TBC1D19: variants seen among roughly 807,000 people sequenced by gnomAD.
TBC1D19 encodes the protein TBC1 domain family, member 19.
TBC1D19 carries 60 observed loss-of-function variants against 89.0 expected under a neutral mutation model. That is an observed-to-expected ratio of 0.67 (90% CI 0.55 to 0.84). The LOEUF (loss-of-function observed/expected upper bound fraction) is 0.84. Ranked by LOEUF, TBC1D19 falls within the 40% of genes least tolerant of loss-of-function variation. TBC1D19 has a pLI of 0.00. For missense variants in TBC1D19, 500 were observed against 610.8 expected (o/e 0.82, Z 1.91); for synonymous variants, 189 against 199.7 (o/e 0.95, Z 0.45).
chr4:26,733,669 T>G (rs1467826139), intron 15 of TBC1D19, among the ~76,000 whole-genome samples: 2 of 152,246 alleles, frequency 1.3e-5, no homozygotes, highest in African/African-American at 4.8e-5. Context: ...CATGGTATAC[T>G]TATCAAATTT....
At chr4:26,712,270 T>C (rs888108462) in intron 13 of TBC1D19, among the ~76,000 whole-genome samples, 8 of 152,082 alleles carry the variant, frequency 5.3e-5, no homozygotes, top group Non-Finnish European at 8.8e-5. Context: ...ATTGGTTTCA[T>C]TGGGCTTGAA....
the TBC1D19 span, among the ~76,000 whole-genome samples, chr4:26,816,246 T>A: frequency 2.8e-5 from 1 of 36,026 alleles, no homozygotes. Context: ...TCCCTCACTT[T>A]ACTTTTTTTA....
the TBC1D19 span, among the ~76,000 whole-genome samples, chr4:26,776,212 T>A: frequency 6.6e-6 from 1 of 152,208 alleles, no homozygotes; most frequent in Admixed American, 6.5e-5. Flanking sequence ...TTATTAGGCC[T>A]TTTCAGGTGC....
chr4:26,655,526 C>G (rs565581026), intron 7 of TBC1D19, among the ~76,000 whole-genome samples: 1 of 152,212 alleles, frequency 6.6e-6, no homozygotes, highest in Non-Finnish European at 1.5e-5. Flanking sequence ...CCACCCAGTT[C>G]GAGCTTCCTG....
chr4:26,738,412 G>T (rs945704173), intron 16 of TBC1D19, among the ~76,000 whole-genome samples: 3 of 151,680 alleles, frequency 2.0e-5, no homozygotes, highest in African/African-American at 7.2e-5. Context: ...CCAAACCTTA[G>T]TCTTAGATTT....
chr4:26,777,115 A>G, the TBC1D19 span, among the ~76,000 whole-genome samples: 4 of 146,408 alleles, frequency 2.7e-5, no homozygotes, highest in East Asian at 8.0e-4. Flanking sequence ...ACATAGCTCT[A>G]TTAGGCATCT....
chr4:26,738,798 C>T (rs1288724738), intron 16 of TBC1D19, among the ~76,000 whole-genome samples: 1 of 151,950 alleles, frequency 6.6e-6, no homozygotes, highest in African/African-American at 2.4e-5. Context: ...CTGTTTATCC[C>T]AGAAAATTGA....
At chr4:26,619,529 T>G (rs1200909929) in intron 3 of TBC1D19, among the ~76,000 whole-genome samples, 1 of 152,176 alleles carries the variant, frequency 6.6e-6, no homozygotes, top group Non-Finnish European at 1.5e-5. Context: ...CTAAGCTTTA[T>G]TAAATTTTAC....
chr4:26,625,874 T>C (rs1005570177), intron 4 of TBC1D19, among the ~76,000 whole-genome samples: 1 of 152,112 alleles, frequency 6.6e-6, no homozygotes, highest in Non-Finnish European at 1.5e-5. Flanking sequence ...GTGTTAACCC[T>C]GATCATCTGA....
chr4:26,640,948 G>A (rs537377722), intron 7 of TBC1D19, among the ~76,000 whole-genome samples: 6 of 152,322 alleles, frequency 3.9e-5, no homozygotes, highest in Non-Finnish European at 8.8e-5. Flanking sequence ...GCCTGCCTCT[G>A]TAGACTCCAT....
At chr4:26,739,812 T>G in intron 16 of TBC1D19, 52 bp from the exon 17 acceptor site, 1 of 1,016,380 alleles carries the variant, frequency 9.8e-7, no homozygotes. Flanking sequence ...TATAAATTTA[T>G]CTTAACATTT....
chr4:26,741,615 G>T (rs1322745357), intron 17 of TBC1D19, among the ~76,000 whole-genome samples: 1 of 150,856 alleles, frequency 6.6e-6, no homozygotes, highest in African/African-American at 2.4e-5. Flanking sequence ...ATTGAGCCAG[G>T]CCTGCCTCTG....
chr4:26,735,987 G>A (rs1234892714), intron 16 of TBC1D19, among the ~76,000 whole-genome samples: 1 of 146,720 alleles, frequency 6.8e-6, no homozygotes, highest in African/African-American at 2.5e-5. Flanking sequence ...AGTCAGTGTG[G>A]CGATTCCTCA....
chr4:26,830,857 C>T, the TBC1D19 span, among the ~76,000 whole-genome samples: 50 of 152,304 alleles, frequency 3.3e-4, 1 homozygote, highest in South Asian at 9.7e-3. Flanking sequence ...CTGGACTGAA[C>T]ACGCTAGCCT....
chr4:26,635,055 T>A (rs1743038752), intron 4 of TBC1D19, among the ~76,000 whole-genome samples: 1 of 152,164 alleles, frequency 6.6e-6, no homozygotes, highest in Admixed American at 6.6e-5. Context: ...AAAATGAGAA[T>A]ATTTGTAACC....
chr4:26,591,462 A>G (rs1739801601), intron 1 of TBC1D19, among the ~76,000 whole-genome samples: 1 of 152,158 alleles, frequency 6.6e-6, no homozygotes, highest in Non-Finnish European at 1.5e-5. Context: ...AGAAAGAGAA[A>G]GAGCTGGAGT....
chr4:26,593,393 A>T (rs1217977213), intron 1 of TBC1D19, among the ~76,000 whole-genome samples: 2 of 152,244 alleles, frequency 1.3e-5, no homozygotes, highest in Admixed American at 1.3e-4. Flanking sequence ...ACCCTAGAAG[A>T]AAACCTAGGC....
chr4:26,660,161 A>T (rs1745135330), intron 8 of TBC1D19, among the ~76,000 whole-genome samples: 1 of 152,222 alleles, frequency 6.6e-6, no homozygotes, highest in South Asian at 2.1e-4. Flanking sequence ...TGGAGACCGT[A>T]ATATTTTTGT....
chr4:26,805,870 G>A, the TBC1D19 span, among the ~76,000 whole-genome samples: 1 of 152,076 alleles, frequency 6.6e-6, no homozygotes, highest in Non-Finnish European at 1.5e-5. Context: ...GAGTGCTGGC[G>A]TGCAGGAAAA....
Sources: allele counts gnomAD v4.1 joint callset (sites outside exome capture counted in the v4.1 genomes callset), GRCh38; gene constraint gnomAD v4.1.1; transcripts MANE v1.5; gene names NCBI Gene and HGNC (gene_info 2026-07-23, HGNC 2026-07-21).